The following TNFRSF19 variants were observed in gnomAD, a reference collection of about 807,000 sequenced individuals.
TNFRSF19 encodes TNF receptor superfamily member 19, also known as tumor necrosis factor receptor superfamily member 19.
A neutral mutation model predicts 46.4 loss-of-function variants in TNFRSF19; 27 were observed. The observed-to-expected ratio is 0.58, with a 90% CI of 0.43 to 0.80. The LOEUF is 0.80. TNFRSF19 is among the 30% of genes least tolerant of loss of function. TNFRSF19 has a pLI of 0.00. For synonymous variants in TNFRSF19, 204 were observed against 205.0 expected, an observed-to-expected ratio of 1.00 and a Z score of 0.04; for missense variants, 511 against 530.8, an observed-to-expected ratio of 0.96 and a Z score of 0.37.
At chr13:23,580,899 C>T (rs372076215) in intron 1 of TNFRSF19, among the ~76,000 whole-genome samples, 6 of 152,324 alleles carry the variant, frequency 3.9e-5, no homozygotes, top group South Asian at 2.1e-4. Flanking sequence ...TACTTTATTA[C>T]CAAAGCCACA....
chr13:23,640,450 T>G (rs1882969217), intron 5 of TNFRSF19, among the ~76,000 whole-genome samples: 1 of 152,158 alleles, frequency 6.6e-6, no homozygotes, highest in Admixed American at 6.5e-5. Context: ...TACCCAGCTT[T>G]GAGTGAGAGT....
At position 23,660,390 on chromosome 13, in the gene TNFRSF19, G is replaced by C. The variant is rs766833272; in HGVS notation, c.636G>C (p.Gln212His). 3.6e-5 allele frequency: 58 copies of C among 1,613,940 alleles called. No homozygotes were observed. Among genetic ancestry groups the C allele is most frequent in the Non-Finnish European group, 4.9e-5 (58 of 1,179,986 alleles). Residue 212 changes from glutamine (Q) to histidine (H), a missense_variant, in exon 7 of 10, where the codon CAG becomes CAC. Around this residue, in one of 3 missense-constraint regions of TNFRSF19, gnomAD observed 376 missense variants for 372.7 expected, o/e 1.01. Transcript: ENST00000248484. Reference protein sequence around the residue: ...PSWSLRSQDIQYNGSELSCFD... With the variant: ...PSWSLRSQDIHYNGSELSCFD... ...GGTCTCTGCGGTCACAGGACATTCA[G>C]TACAACGGCTCTGAGCTGTCGTGTT...
intron 3 of TNFRSF19, among the ~76,000 whole-genome samples, chr13:23,599,031 G>A (rs1377838000): frequency 6.6e-6 from 1 of 152,180 alleles, no homozygotes; most frequent in African/African-American, 2.4e-5. Context: ...CTGATAGATA[G>A]CGTTTCTCTC....
chr13:23,614,214 A>AT (rs1296363654), intron 3 of TNFRSF19, among the ~76,000 whole-genome samples: 2 of 152,068 alleles, frequency 1.3e-5, no homozygotes, highest in Non-Finnish European at 2.9e-5. Flanking sequence ...CACACTCCCG[A>AT]TGTACGTTTG....
chr13:23,660,439 T>A lies in TNFRSF19; in HGVS notation c.685T>A (p.Tyr229Asn). ...TTTTGACAGACCTCAGCTCCACGAATATGCCCACAGAGCCTGCTGCCAGTG... is the reference window on the plus strand; with the variant it reads ...TTTTGACAGACCTCAGCTCCACGAAAATGCCCACAGAGCCTGCTGCCAGTG... ...SCFDRPQLHEYAHRACCQCRR... is the reference protein window; with the variant it reads ...SCFDRPQLHENAHRACCQCRR... The change falls in exon 7 of 10, where the codon TAT becomes AAT. Residue 229 changes from tyrosine (Y) to asparagine (N), a missense_variant. This residue lies in a region of TNFRSF19 where 376 missense variants were observed against 372.7 expected (regional missense o/e 1.01). Coordinates refer to ENST00000248484, the MANE Select transcript of TNFRSF19 (RefSeq NM_148957.4). 4.3e-6 allele frequency: 7 copies of A among 1,613,794 alleles called. No individual in the cohort carries two copies. Among genetic ancestry groups the A allele is most frequent in the Non-Finnish European group, 5.9e-6 (7 of 1,180,006 alleles).
At chr13:23,586,078 G>A (rs7330535) in intron 1 of TNFRSF19, among the ~76,000 whole-genome samples, 37,847 of 151,584 alleles carry the variant, frequency 0.25, 5,310 homozygotes, top group African/African-American at 0.38. Context: ...AGACCACGGC[G>A]AAACCCCGTC....
At chr13:23,636,198 T>C (rs1354020455) in intron 5 of TNFRSF19, among the ~76,000 whole-genome samples, 2 of 152,234 alleles carry the variant, frequency 1.3e-5, no homozygotes, top group African/African-American at 2.4e-5. Flanking sequence ...AATTTTCTCT[T>C]TAAATGATTT....
chr13:23,648,154 T>C (rs1883436223), intron 5 of TNFRSF19, among the ~76,000 whole-genome samples: 1 of 152,208 alleles, frequency 6.6e-6, no homozygotes, highest in Admixed American at 6.5e-5. Flanking sequence ...AGGAATTGCA[T>C]TGAATCTGCA....
intron 5 of TNFRSF19, among the ~76,000 whole-genome samples, chr13:23,640,076 C>T (rs1051296489): frequency 2.2e-4 from 34 of 151,984 alleles, no homozygotes; most frequent in African/African-American, 7.3e-4. Context: ...AGCCAGGCAG[C>T]GGAGACGTTC....
rs113104684 is a variant in TNFRSF19, at chr13:23,583,683, G to A, written c.-34-6467G>A. Among the ~76,000 whole-genome samples, 380 of 152,282 alleles carry A rather than the reference G, an allele frequency of 2.5e-3. 2 individuals are homozygous for A. Among genetic ancestry groups the A allele is most frequent in the African/African-American group, 9.0e-3 (373 of 41,550 alleles). ...ATGTGGAAACTGGGAAATAATAGGGGCTACTTACACTGGAGAAGAACACTA... is the reference window on the plus strand; with the variant it reads ...ATGTGGAAACTGGGAAATAATAGGGACTACTTACACTGGAGAAGAACACTA... On this transcript the variant is annotated intron_variant, in intron 1 of 9. Coordinates refer to ENST00000248484, the MANE Select transcript of TNFRSF19 (RefSeq NM_148957.4).
rs543334223 is a variant in TNFRSF19, at chr13:23,593,945, T to C, written c.180+490T>C. On this transcript the variant is annotated intron_variant, in intron 3 of 9. Transcript: ENST00000248484. ...CTGGTTAGACAGTGGGTGCAGCCCA[T>C]GGAGGGTGAGCCAAAGCAGGATGGG... Among the ~76,000 whole-genome samples, 17 of 152,102 alleles carry C rather than the reference T, an allele frequency of 1.1e-4. No individual in the cohort carries two copies. The South Asian group carries it at 3.5e-3, about 32-fold the overall frequency.
At chr13:23,607,708 C>G (rs1408291448) in intron 3 of TNFRSF19, among the ~76,000 whole-genome samples, 1 of 151,972 alleles carries the variant, frequency 6.6e-6, no homozygotes, top group Non-Finnish European at 1.5e-5. Context: ...TTTATTGTAA[C>G]ATTGTTATGT....
At chr13:23,581,232 A>C (rs887674321) in intron 1 of TNFRSF19, among the ~76,000 whole-genome samples, 1 of 149,592 alleles carries the variant, frequency 6.7e-6, no homozygotes, top group African/African-American at 2.5e-5. Context: ...TGCAAGCTCC[A>C]CTTCCCGGGT....
intron 9 of TNFRSF19, among the ~76,000 whole-genome samples, chr13:23,672,857 A>G (rs982648359): frequency 9.2e-5 from 14 of 152,220 alleles, no homozygotes; most frequent in African/African-American, 3.4e-4. Flanking sequence ...AGATTGTTAT[A>G]AGAGAAATCT....
At chr13:23,609,165 C>T (rs1161245056) in intron 3 of TNFRSF19, among the ~76,000 whole-genome samples, 1 of 152,132 alleles carries the variant, frequency 6.6e-6, no homozygotes, top group Non-Finnish European at 1.5e-5. Context: ...AGGATTTTAT[C>T]CCATTGAGCC....
Position 23,659,214 on chromosome 13 carries a change from T to C in TNFRSF19, c.610T>C (p.Trp204Arg). Residue 204 changes from tryptophan (W) to arginine (R), a missense_variant and splice_region_variant, in exon 6 of 10, where the codon TGG becomes CGG. Coordinates refer to ENST00000248484, the MANE Select transcript of TNFRSF19 (RefSeq NM_148957.4). This position sits in a 1 kb window ranked among gnomAD's most constrained non-coding sequence, Gnocchi z 4.9. The part of the protein sequence containing the change: ...KRQFMEKKPS[W>R]SLRSQDIQYN... ...ACAGTTTATGGAGAAGAAACCCAGCTGTAAGTTTTGAGCTCATTACATTTC... is the reference window on the plus strand; with the variant it reads ...ACAGTTTATGGAGAAGAAACCCAGCCGTAAGTTTTGAGCTCATTACATTTC... The C allele has an allele frequency of 6.2e-6, 10 of 1,606,640 alleles. No homozygotes were observed. Among genetic ancestry groups the C allele is most frequent in the Non-Finnish European group, 7.7e-6 (9 of 1,174,764 alleles).
At chr13:23,651,200 A>T (rs1260417410) in intron 5 of TNFRSF19, among the ~76,000 whole-genome samples, 1 of 152,184 alleles carries the variant, frequency 6.6e-6, no homozygotes, top group Non-Finnish European at 1.5e-5. Context: ...GGGCTTTTTG[A>T]TGGTACTGGT....
chr13:23,605,501 A>T (rs952672455), intron 3 of TNFRSF19, among the ~76,000 whole-genome samples: 2 of 152,210 alleles, frequency 1.3e-5, no homozygotes, highest in Non-Finnish European at 2.9e-5. Context: ...GCTTATACAG[A>T]TACCTGCACA....
At chr13:23,633,972 T>C (rs1459775186) in intron 5 of TNFRSF19, among the ~76,000 whole-genome samples, 2 of 152,256 alleles carry the variant, frequency 1.3e-5, no homozygotes. Context: ...TATATAATTA[T>C]TTAGCTATTT....
Sources: gnomAD v4.1 joint callset for allele counts (sites outside exome capture counted in the v4.1 genomes callset) on GRCh38, gnomAD v4.1.1 for gene constraint, gnomAD v4.1.1 regional missense constraint, Gnocchi (gnomAD v3.1) non-coding constraint, MANE v1.5 for transcripts, NCBI Gene and HGNC (gene_info 2026-07-23, HGNC 2026-07-21) for gene names.